Variants in ASIC2 observed in about 807,000 individuals in gnomAD.
The protein encoded by ASIC2 is acid-sensing ion channel 2.
ASIC2 carries 25 observed loss-of-function variants against 57.3 expected under a neutral mutation model. The ratio of observed to expected loss-of-function variants is 0.44; its 90% CI spans 0.32 to 0.61. ASIC2 has a LOEUF of 0.61. Among genes scored for constraint, ASIC2 ranks in the 20% least tolerant of loss-of-function variants. The pLI is 0.06. For missense variants in ASIC2, 641 were observed against 738.1 expected (o/e 0.87, Z 1.52); for synonymous variants, 319 against 307.5 (o/e 1.04, Z -0.39).
chr17:33,261,388 G>A (rs1306499774), intron 1 of ASIC2, among the ~76,000 whole-genome samples: 5 of 152,170 alleles, frequency 3.3e-5, no homozygotes, highest in African/African-American at 1.2e-4. Flanking sequence ...CCTGGTGCTA[G>A]GTGCTGGGTC....
intron 1 of ASIC2, among the ~76,000 whole-genome samples, chr17:33,260,217 C>T (rs1909228168): frequency 6.6e-6 from 1 of 152,206 alleles, no homozygotes; most frequent in Non-Finnish European, 1.5e-5. Context: ...TAAAGCCTGG[C>T]CTCCTGGCCC....
At chr17:34,099,798 G>GAA (rs147299691) in intron 1 of ASIC2, among the ~76,000 whole-genome samples, 1 of 99,134 alleles carries the variant, frequency 1.0e-5, no homozygotes, top group African/African-American at 4.4e-5. Context: ...AAGAAAGAAA[G>GAA]AAAGAAAAGA....
intron 1 of ASIC2, chr17:33,936,932 GT>G (rs1916078507): frequency 6.6e-6 from 1 of 152,216 alleles, no homozygotes; most frequent in Non-Finnish European, 1.5e-5. Flanking sequence ...TGCCTGGGAG[GT>G]AGCACACAGT....
chr17:33,692,222 G>T (rs1487114313), intron 1 of ASIC2: 1 of 152,034 alleles, frequency 6.6e-6, no homozygotes, highest in African/African-American at 2.4e-5. Context: ...TCCTTCCTGT[G>T]CTAATCAACC....
chr17:33,267,237 C>T (rs947081010), intron 1 of ASIC2, among the ~76,000 whole-genome samples: 1 of 152,128 alleles, frequency 6.6e-6, no homozygotes, highest in Non-Finnish European at 1.5e-5. Flanking sequence ...CCCCTTACCC[C>T]CCCCAGGAAG....
At chr17:33,031,848 A>G (rs2091885002) in intron 3 of ASIC2, among the ~76,000 whole-genome samples, 2 of 152,186 alleles carry the variant, frequency 1.3e-5, no homozygotes, top group Admixed American at 6.5e-5. Context: ...ATTGTGAATA[A>G]TCATCTCATA....
intron 1 of ASIC2, among the ~76,000 whole-genome samples, chr17:33,829,047 C>A (rs1021394752): frequency 4.6e-5 from 7 of 152,194 alleles, no homozygotes; most frequent in African/African-American, 1.7e-4. Context: ...TTACTTAAAG[C>A]CAAAATGAAC....
intron 1 of ASIC2, among the ~76,000 whole-genome samples, chr17:34,075,722 C>T (rs1472093600): frequency 6.6e-6 from 1 of 152,090 alleles, no homozygotes; most frequent in African/African-American, 2.4e-5. Flanking sequence ...TCAGCCGTCC[C>T]AGTCACACAG....
chr17:33,214,239 G>T (rs1180462232), intron 1 of ASIC2, among the ~76,000 whole-genome samples: 1 of 139,830 alleles, frequency 7.2e-6, no homozygotes, highest in African/African-American at 2.7e-5. Flanking sequence ...ATGGGGTCAG[G>T]TGCTACATCC....
At chr17:33,029,533 G>C (rs758635292) in intron 3 of ASIC2, among the ~76,000 whole-genome samples, 9 of 152,206 alleles carry the variant, frequency 5.9e-5, no homozygotes, top group Non-Finnish European at 8.8e-5. Context: ...CCACTCACTT[G>C]ATGATGGGCA....
chr17:33,489,298 C>T (rs946496232), intron 1 of ASIC2, among the ~76,000 whole-genome samples: 6 of 152,134 alleles, frequency 3.9e-5, no homozygotes, highest in Admixed American at 2.6e-4. Context: ...TCATGAAAAC[C>T]CAAAGGGGTG....
Position 33,900,745 on chromosome 17 carries a change from G to A in ASIC2, c.555+255233C>T, listed in dbSNP as rs143375639. Reference sequence around the variant, plus strand: ...ACCATAAGATGTTGAAGAAGTTGGAGGTGGGAGGGTATCTAGGGAAGAGGG... The same window carrying A: ...ACCATAAGATGTTGAAGAAGTTGGAAGTGGGAGGGTATCTAGGGAAGAGGG... On this transcript the variant is annotated intron_variant, in intron 1 of 9. Transcript: ENST00000359872. Among the ~76,000 whole-genome samples, 336 of 152,308 alleles carry A rather than the reference G, an allele frequency of 2.2e-3. 2 individuals carry two copies. The highest frequency in any genetic ancestry group is 7.8e-3 in the African/African-American group (326 of 41,566).
chr17:34,029,195 T>G (rs4795845), intron 1 of ASIC2, among the ~76,000 whole-genome samples: 19,757 of 152,162 alleles, frequency 0.13, 1,361 homozygotes, highest in South Asian at 0.19. Context: ...AAATTATATA[T>G]TCTACTTGTC....
At chr17:33,142,954 T>A (rs1904383520) in intron 1 of ASIC2, among the ~76,000 whole-genome samples, 1 of 152,162 alleles carries the variant, frequency 6.6e-6, no homozygotes, top group South Asian at 2.1e-4. Context: ...TCCAGAACAC[T>A]GAATCATGGA....
At chr17:33,726,705 C>CGG in intron 1 of ASIC2, among the ~76,000 whole-genome samples, 1 of 152,332 alleles carries the variant, frequency 6.6e-6, no homozygotes, top group Non-Finnish European at 1.5e-5. Context: ...TCTGGTCCAC[C>CGG]CATTCCTTAG....
At chr17:33,954,758 C>T (rs1904681513) in intron 1 of ASIC2, among the ~76,000 whole-genome samples, 1 of 152,198 alleles carries the variant, frequency 6.6e-6, no homozygotes, top group South Asian at 2.1e-4. Context: ...AACCTCATTT[C>T]TGAGAGGAAA....
chr17:33,957,138 A>G (rs1904761017), intron 1 of ASIC2, among the ~76,000 whole-genome samples: 1 of 152,192 alleles, frequency 6.6e-6, no homozygotes, highest in South Asian at 2.1e-4. Context: ...CACAACTTCT[A>G]CCATGCCCCC....
chr17:33,789,468 A>T (rs59677408), intron 1 of ASIC2, among the ~76,000 whole-genome samples: 85 of 127,628 alleles, frequency 6.7e-4, no homozygotes, highest in Middle Eastern at 3.7e-3. Flanking sequence ...TCATGGTCAC[A>T]CACACACACA....
intron 1 of ASIC2, among the ~76,000 whole-genome samples, chr17:33,863,900 G>GTTTTTTTTTTTTTTTTTTTTTTTTT (rs1031021531): frequency 2.8e-5 from 2 of 72,494 alleles, no homozygotes; most frequent in Non-Finnish European, 3.1e-5. Context: ...CTCTTTTTTT[G>GTTTTTTTTTTTTTTTTTTTTTTTTT]TTTTTTTTTT....
Sources: allele counts gnomAD v4.1 joint callset (sites outside exome capture counted in the v4.1 genomes callset), GRCh38; gene constraint gnomAD v4.1.1; transcripts MANE v1.5; gene names NCBI Gene and HGNC (gene_info 2026-07-23, HGNC 2026-07-21).